Variants in METTL15 observed in about 807,000 individuals in gnomAD.
The protein encoded by METTL15 is methyltransferase 15, mitochondrial 12S rRNA N4-cytidine.
METTL15 carries 34 observed loss-of-function variants against 38.3 expected under a neutral mutation model. The observed-to-expected ratio is 0.89, with a 90% CI of 0.68 to 1.18. The LOEUF (loss-of-function observed/expected upper bound fraction) is 1.18. Ranked by LOEUF, METTL15 falls within the 50% of genes most tolerant of loss-of-function variation. METTL15 has a pLI of 0.00. For synonymous variants in METTL15, 162 were observed against 170.9 expected (o/e 0.95, Z 0.41); for missense variants, 438 against 498.4 (o/e 0.88, Z 1.15).
At chr11:28,323,916 TC>T (rs1434349508) in intron 6 of METTL15, among the ~76,000 whole-genome samples, 4 of 152,150 alleles carry the variant, frequency 2.6e-5, no homozygotes, top group African/African-American at 9.7e-5. Context: ...CTAGGGTCAA[TC>T]CCTTATGCCA....
rs113379237 is a variant in METTL15, at chr11:28,271,949, A to G, written c.408-18257A>G. On this transcript the variant is annotated intron_variant, in intron 4 of 6. Coordinates refer to ENST00000407364, the MANE Select transcript of METTL15 (RefSeq NM_001113528.2). The stretch of plus-strand genomic sequence containing the variant: ...TCAAAAGAAGACATTTACGTGGTCA[A>G]CAAACATGAAAAAAAGGTTATCATC... 5.1e-3 allele frequency among the ~76,000 whole-genome samples: 775 copies of G among 152,364 alleles called. 4 individuals carry two copies. The highest frequency in any genetic ancestry group is 0.014 in the Middle Eastern group (4 of 294).
At chr11:28,363,305 C>T (rs1170357004) in intron 5 of METTL15, among the ~76,000 whole-genome samples, 1 of 152,144 alleles carries the variant, frequency 6.6e-6, no homozygotes, top group Non-Finnish European at 1.5e-5. Flanking sequence ...TCCCGAGTAG[C>T]TGGGATTACA....
intron 5 of METTL15, among the ~76,000 whole-genome samples, chr11:28,419,071 A>G (rs1186345542): frequency 6.6e-6 from 1 of 152,208 alleles, no homozygotes; most frequent in African/African-American, 2.4e-5. Context: ...ACCTAGTGAG[A>G]CACCAGCCAA....
intron 6 of METTL15, among the ~76,000 whole-genome samples, chr11:28,329,910 T>C (rs1017611411): frequency 7.2e-5 from 11 of 152,180 alleles, no homozygotes; most frequent in African/African-American, 2.7e-4. Flanking sequence ...TGGCCTCCAG[T>C]GTGCTCATAA....
At chr11:28,399,192 A>G (rs1436854882) in intron 5 of METTL15, 1 of 152,096 alleles carries the variant, frequency 6.6e-6, no homozygotes, top group African/African-American at 2.4e-5. Flanking sequence ...AAAACAAGCA[A>G]TGGGTAAGTG....
At chr11:28,222,607 A>G (rs1160827368) in intron 4 of METTL15, among the ~76,000 whole-genome samples, 5 of 152,134 alleles carry the variant, frequency 3.3e-5, no homozygotes, top group African/African-American at 9.7e-5. Context: ...CTGGTACCTC[A>G]GTTGGAAGTG....
At position 28,315,765 on chromosome 11, in the gene METTL15, G is replaced by A. The variant is rs538999992; in HGVS notation, c.779-14631G>A. Among the ~76,000 whole-genome samples, 49 of 152,316 alleles carry A rather than the reference G, an allele frequency of 3.2e-4. No individual in the cohort carries two copies. The East Asian group carries it at 3.3e-3, about 10-fold the overall frequency. The stretch of plus-strand genomic sequence containing the variant: ...GCAGCCTAGGGACTTGGTACCCTGC[G>A]TTCCAGCCACTCTAGCCATGGCTGA... On this transcript the variant is annotated intron_variant, in intron 6 of 6. Coordinates refer to ENST00000407364, the MANE Select transcript of METTL15 (RefSeq NM_001113528.2).
downstream of METTL15, among the ~76,000 whole-genome samples, chr11:28,338,472 C>T (rs182927839): frequency 6.6e-6 from 1 of 151,992 alleles, no homozygotes; most frequent in African/African-American, 2.4e-5. Context: ...TTTTCCATTG[C>T]GTCCTCCAAA....
At chr11:28,198,272 C>G (rs1851982155) in intron 3 of METTL15, among the ~76,000 whole-genome samples, 2 of 152,004 alleles carry the variant, frequency 1.3e-5, no homozygotes, top group Non-Finnish European at 2.9e-5. Context: ...AGTGACAGTT[C>G]TGTTGTACGT....
chr11:28,183,869 C>G (rs1053970476), intron 3 of METTL15, among the ~76,000 whole-genome samples: 3 of 152,070 alleles, frequency 2.0e-5, no homozygotes, highest in African/African-American at 7.2e-5. Flanking sequence ...TAGAATTCAG[C>G]TGTGAATTCG....
chr11:28,296,845 A>G lies in METTL15; in HGVS notation c.692A>G (p.His231Arg), dbSNP rs1856755474. Reference sequence around the variant, plus strand: ...CTAAGAACATACGGGGAGGAGAAGCATGCCAAGAAAATCGCTTCAGCAATT... The same window carrying G: ...CTAAGAACATACGGGGAGGAGAAGCGTGCCAAGAAAATCGCTTCAGCAATT... ...SILRTYGEEK[H>R]AKKIASAIVQ... The change falls in exon 6 of 7, where the codon CAT becomes CGT. Residue 231 changes from histidine (H) to arginine (R), a missense_variant. By Grantham distance (29) the His-to-Arg change is conservative. Coordinates refer to ENST00000407364, the MANE Select transcript of METTL15 (RefSeq NM_001113528.2). 1 of 1,613,618 alleles carries G rather than the reference A, an allele frequency of 6.2e-7. No homozygotes were observed. Among genetic ancestry groups the G allele is most frequent in the Non-Finnish European group, 8.5e-7 (1 of 1,179,716 alleles).
chr11:28,337,525 T>C (rs1029883584), downstream of METTL15, among the ~76,000 whole-genome samples: 1 of 152,044 alleles, frequency 6.6e-6, no homozygotes, highest in Admixed American at 6.6e-5. Context: ...CAGAAAAATA[T>C]TTTTTATATA....
intron 3 of METTL15, among the ~76,000 whole-genome samples, chr11:28,169,929 A>T (rs1850792626): frequency 6.6e-6 from 1 of 152,084 alleles, no homozygotes; most frequent in African/African-American, 2.4e-5. Flanking sequence ...GTATTTGCTT[A>T]TTTACTAATG....
At position 28,488,945 on chromosome 11, in the gene METTL15, A is replaced by G. The variant is rs80004831; in HGVS notation, c.*425-37533A>G. ...CCTTCACTAAGAGATGTTAATGTTA[A>G]TAAGCTTAGAGGTAGCAACTATGTG... On this transcript the variant is annotated intron_variant and NMD_transcript_variant, in intron 6 of 7. Coordinates refer to the METTL15 transcript ENST00000532947. Among the ~76,000 whole-genome samples, 11 of 152,244 alleles carry G rather than the reference A, an allele frequency of 7.2e-5. No individual in the cohort carries two copies. In the East Asian group the frequency reaches 1.9e-3, roughly 27 times the overall value.
chr11:28,221,584 C>T (rs977933085), intron 4 of METTL15, among the ~76,000 whole-genome samples: 7 of 152,058 alleles, frequency 4.6e-5, no homozygotes, highest in African/African-American at 7.2e-5. Context: ...CTCTGTTTTC[C>T]GTTGGTGGTG....
chr11:28,362,406 G>C (rs781111997), intron 5 of METTL15, among the ~76,000 whole-genome samples: 40 of 152,086 alleles, frequency 2.6e-4, no homozygotes, highest in Non-Finnish European at 4.9e-4. Flanking sequence ...GTGACACTGA[G>C]GCTTTGGGTC....
At chr11:28,410,000 G>T (rs989456881) in intron 5 of METTL15, among the ~76,000 whole-genome samples, 2 of 152,044 alleles carry the variant, frequency 1.3e-5, no homozygotes, top group Non-Finnish European at 2.9e-5. Context: ...CTATGCAAAT[G>T]AATTAGATAA....
intron 5 of METTL15, among the ~76,000 whole-genome samples, chr11:28,368,152 CAAAA>C (rs572862749): frequency 1.8e-5 from 2 of 108,708 alleles, no homozygotes; most frequent in African/African-American, 6.9e-5. Context: ...ACAAAAAAAA[CAAAA>C]AAAAAAACAA....
rs371800803 is a variant in METTL15, at chr11:28,166,675, C to T, written c.271-44387C>T. ...TGAAAAAATGCTGAAACTGGCCAGG[C>T]ATAGTGGCTCATGCCTGTAACCTCA... On this transcript the variant is annotated intron_variant, in intron 3 of 6. Coordinates refer to ENST00000407364, the MANE Select transcript of METTL15 (RefSeq NM_001113528.2). 7.9e-5 allele frequency among the ~76,000 whole-genome samples: 12 copies of T among 152,264 alleles called. No individual in the cohort carries two copies. In the East Asian group the frequency reaches 1.9e-3, roughly 24 times the overall value.
Sources: gnomAD v4.1 joint callset for allele counts (sites outside exome capture counted in the v4.1 genomes callset) on GRCh38, gnomAD v4.1.1 for gene constraint, MANE v1.5 for transcripts, NCBI Gene and HGNC (gene_info 2026-07-23, HGNC 2026-07-21) for gene names.